TMEM170A: variants seen among roughly 807,000 people sequenced by gnomAD.
TMEM170A encodes transmembrane protein 170.
Under a neutral mutation model 12.8 loss-of-function variants are expected in TMEM170A, and 18 were observed. The observed-to-expected ratio is 1.41, with a 90% CI of 0.97 to 2.09. TMEM170A has a LOEUF of 2.09. TMEM170A is among the 30% of genes most tolerant of loss of function. TMEM170A has a pLI of 0.00. For missense variants in TMEM170A, 220 were observed against 179.9 expected, an observed-to-expected ratio of 1.22 and a Z score of -1.28; for synonymous variants, 107 against 76.2, an observed-to-expected ratio of 1.40 and a Z score of -2.11.
intron 1 of TMEM170A, among the ~76,000 whole-genome samples, chr16:75,456,382 G>A (rs923892788): frequency 1.3e-5 from 2 of 152,032 alleles, no homozygotes; most frequent in Non-Finnish European, 2.9e-5. Flanking sequence ...GAGGTTAGGA[G>A]TTCCAGAACA....
chr16:75,463,118 G>A (rs1350792331), intron 1 of TMEM170A, among the ~76,000 whole-genome samples: 1 of 152,156 alleles, frequency 6.6e-6, no homozygotes, highest in Admixed American at 6.6e-5. Context: ...ATATTACTGA[G>A]TCTAAGTAAA....
chr16:75,446,110 G>C lies in TMEM170A; in HGVS notation c.*1448C>G, dbSNP rs1189441050. 6.6e-6 allele frequency: 1 copy of C among 151,832 alleles called. No homozygotes were observed. Among genetic ancestry groups the C allele is most frequent in the Non-Finnish European group, 1.5e-5 (1 of 68,020 alleles). 9.4% of individuals were successfully genotyped at this position (151,832 alleles called of 1,614,324 possible). A position where few individuals can be genotyped will look rare whatever the true frequency, so the allele number is the denominator to read the frequency against. Reference sequence around the variant, plus strand: ...GAATCGCTTGAACCCGGGTGGCAGAGGTTGGAGTGAGCTGAGATTGCACCA... The same window carrying C: ...GAATCGCTTGAACCCGGGTGGCAGACGTTGGAGTGAGCTGAGATTGCACCA... On this transcript the variant is annotated 3_prime_UTR_variant, in exon 3 of 3. Coordinates refer to ENST00000561878, the MANE Select transcript of TMEM170A (RefSeq NM_145254.3).
chr16:75,447,371 A>G lies in TMEM170A; in HGVS notation c.*187T>C, dbSNP rs78356265. 2 of 490,166 alleles carry G rather than the reference A, an allele frequency of 4.1e-6. No individual in the cohort carries two copies. Among genetic ancestry groups the G allele is most frequent in the Non-Finnish European group, 6.6e-6 (2 of 304,634 alleles). The allele number at this position is 490,166 out of a possible 1,614,324, so 30.4% of individuals were successfully genotyped here. On this transcript the variant is annotated 3_prime_UTR_variant, in exon 3 of 3. Transcript: ENST00000561878. ...ACTTGTTTTGGTTGAGAACAATAGG[A>G]GTCCACATAAGTCTTCAATTCTAGG...
chr16:75,451,679 T>A lies in TMEM170A; in HGVS notation c.294A>T (p.Gly98=), dbSNP rs1567698596. ...TAATGTCTAACATACTTGTCAAGAT[T>A]CCAGCAGTAATTGGTCCCACGATGC... The part of the protein sequence containing the change: ...LMGIVGPITA[G]ILTSAAIAGV... Residue 98 remains glycine, a synonymous_variant, in exon 2 of 3, where the codon GGA becomes GGT. Coordinates refer to ENST00000561878, the MANE Select transcript of TMEM170A (RefSeq NM_145254.3). 6.2e-7 allele frequency: 1 copy of A among 1,614,104 alleles called. No homozygotes were observed.
intron 1 of TMEM170A, chr16:75,458,324 C>G (rs931247120): frequency 6.6e-6 from 1 of 152,186 alleles, no homozygotes; most frequent in Non-Finnish European, 1.5e-5. Flanking sequence ...GTTCGCATCT[C>G]CATCTCCAAA....
At position 75,464,520 on chromosome 16, in the gene TMEM170A, C is replaced by T; in HGVS notation, c.81G>A (p.Arg27=). Residue 27 remains arginine, a synonymous_variant, in exon 1 of 3, where the codon CGG becomes CGA. Coordinates refer to ENST00000561878, the MANE Select transcript of TMEM170A (RefSeq NM_145254.3). The part of the protein sequence containing the change: ...QQILSLKVVP[R]VGNGTLCPNS... ...TGGGGCACAGGGTCCCGTTGCCCAC[C>T]CGCGGCACAACCTTCAGGCTCAGGA... The T allele has an allele frequency of 6.3e-7, 1 of 1,586,354 alleles. No homozygotes were observed. Among genetic ancestry groups the T allele is most frequent in the South Asian group, 1.1e-5 (1 of 87,968 alleles).
intron 1 of TMEM170A, among the ~76,000 whole-genome samples, chr16:75,460,565 T>TC (rs1265418905): frequency 2.6e-5 from 4 of 152,130 alleles, no homozygotes. Flanking sequence ...AGATTTTGAC[T>TC]CCAATATCAT....
chr16:75,451,667 A>C lies in TMEM170A; in HGVS notation c.304+2T>G. The stretch of plus-strand genomic sequence containing the variant: ...TGACTGGTATTTTAATGTCTAACAT[A>C]CTTGTCAAGATTCCAGCAGTAATTG... On this transcript the variant is annotated splice_donor_variant, in intron 2 of 2. Coordinates refer to ENST00000561878, the MANE Select transcript of TMEM170A (RefSeq NM_145254.3). LOFTEE classifies it high-confidence loss of function. 1.9e-6 allele frequency: 3 copies of C among 1,614,210 alleles called. No homozygotes were observed. The highest frequency in any genetic ancestry group is 2.5e-6 in the Non-Finnish European group (3 of 1,180,018).
chr16:75,445,222 T>C lies in TMEM170A; in HGVS notation c.*2336A>G, dbSNP rs960872681. 1 of 152,228 alleles carries C rather than the reference T, an allele frequency of 6.6e-6. No homozygotes were observed. The highest frequency in any genetic ancestry group is 6.5e-5 in the Admixed American group (1 of 15,278). The allele number at this position is 152,228 out of a possible 1,614,324, so 9.4% of individuals were successfully genotyped here. On this transcript the variant is annotated 3_prime_UTR_variant, in exon 3 of 3. Transcript: ENST00000561878. ...AGATTTGAGCTTCTTGTTAGGGAAT[T>C]TGTAAGAATATTTGGCTGCATTACA...
chr16:75,454,747 G>A (rs149823333), intron 1 of TMEM170A, among the ~76,000 whole-genome samples: 8 of 152,202 alleles, frequency 5.3e-5, no homozygotes, highest in East Asian at 1.9e-4. Flanking sequence ...TGCCAGTATA[G>A]GTTTTGAGCA....
chr16:75,463,880 T>C (rs1354943825), intron 1 of TMEM170A, among the ~76,000 whole-genome samples: 1 of 152,118 alleles, frequency 6.6e-6, no homozygotes, highest in African/African-American at 2.4e-5. Flanking sequence ...GAAGGCTTAG[T>C]GGGAGACCCA....
At position 75,444,634 on chromosome 16, in the gene TMEM170A, A is replaced by G. The variant is rs1187092530; in HGVS notation, c.*2924T>C. 6.6e-6 allele frequency: 1 copy of G among 152,166 alleles called. No homozygotes were observed. The highest frequency in any genetic ancestry group is 1.5e-5 in the Non-Finnish European group (1 of 68,026). 9.4% of individuals were successfully genotyped at this position (152,166 alleles called of 1,614,324 possible). ...TATTTGAGACATAAAAAAGAAAATC[A>G]AAGCTATTCCTTATGATTCAAATAG... On this transcript the variant is annotated 3_prime_UTR_variant, in exon 3 of 3. Coordinates refer to ENST00000561878, the MANE Select transcript of TMEM170A (RefSeq NM_145254.3).
At chr16:75,452,396 TG>T (rs2079705687) in intron 1 of TMEM170A, among the ~76,000 whole-genome samples, 1 of 152,116 alleles carries the variant, frequency 6.6e-6, no homozygotes, top group South Asian at 2.1e-4. Flanking sequence ...GCCTCCGGAG[TG>T]GCTGGAACTA....
At chr16:75,453,673 G>A (rs2079729270) in intron 1 of TMEM170A, among the ~76,000 whole-genome samples, 1 of 152,140 alleles carries the variant, frequency 6.6e-6, no homozygotes, top group African/African-American at 2.4e-5. Context: ...AGCTCTTTAG[G>A]ATATGAAATA....
chr16:75,464,369 C>G (rs1473503863), intron 1 of TMEM170A, 99 bp downstream of exon 1: 1 of 1,378,364 alleles, frequency 7.3e-7, no homozygotes, highest in Non-Finnish European at 9.4e-7. Flanking sequence ...ACGCCGCCAG[C>G]AGGCTGCGCA....
chr16:75,455,753 C>G lies in TMEM170A; in HGVS notation c.134-3914G>C, dbSNP rs559185299. On this transcript the variant is annotated intron_variant, in intron 1 of 2. Transcript: ENST00000561878. Reference sequence around the variant, plus strand: ...CCAGGAGGCAGAGGTCGCAATGAGCCGAGGGCAAGAGAGCTAGACTTTAAA... The same window carrying G: ...CCAGGAGGCAGAGGTCGCAATGAGCGGAGGGCAAGAGAGCTAGACTTTAAA... 5.3e-5 allele frequency among the ~76,000 whole-genome samples: 8 copies of G among 152,120 alleles called. No individual in the cohort carries two copies. In the South Asian group the frequency reaches 1.5e-3, roughly 28 times the overall value.
intron 2 of TMEM170A, among the ~76,000 whole-genome samples, chr16:75,448,943 C>T (rs1445782927): frequency 4.0e-5 from 6 of 151,780 alleles, no homozygotes; most frequent in Admixed American, 3.9e-4. Flanking sequence ...TGCCTGTAAT[C>T]CTAGTTGCTT....
chr16:75,457,939 C>T (rs1295301953), intron 1 of TMEM170A, among the ~76,000 whole-genome samples: 1 of 152,202 alleles, frequency 6.6e-6, no homozygotes, highest in East Asian at 1.9e-4. Context: ...TTATAAAACA[C>T]TTTCACATGA....
At position 75,451,846 on chromosome 16, in the gene TMEM170A, G is replaced by C. The variant is rs758733255; in HGVS notation, c.134-7C>G. The C allele has an allele frequency of 6.9e-6, 11 of 1,603,392 alleles. No homozygotes were observed. The Admixed American group carries it at 6.9e-5, about 10-fold the overall frequency. The stretch of plus-strand genomic sequence containing the variant: ...AATACACCATACCACATCTCTATGA[G>C]GGAAGACAAAGAAAAGTTGTGAATC... On this transcript the variant is annotated splice_region_variant and splice_polypyrimidine_tract_variant and intron_variant, in intron 1 of 2. Transcript: ENST00000561878.
Sources: gnomAD v4.1 joint callset for allele counts (sites outside exome capture counted in the v4.1 genomes callset) on GRCh38, gnomAD v4.1.1 for gene constraint, MANE v1.5 for transcripts, NCBI Gene and HGNC (gene_info 2026-07-23, HGNC 2026-07-21) for gene names.